The following SNX20 variants were observed in gnomAD, a reference collection of about 807,000 sequenced individuals.
SNX20 encodes sorting nexin-20.
Under a neutral mutation model 24.5 loss-of-function variants are expected in SNX20, and 21 were observed. The observed-to-expected ratio is 0.86, with a 90% confidence interval of 0.61 to 1.23. The LOEUF (loss-of-function observed/expected upper bound fraction) is 1.23, where lower values mean the gene tolerates loss of function less well. Among genes scored for constraint, SNX20 ranks in the 50% most tolerant of loss-of-function variants. The pLI is 0.00. For missense variants in SNX20, 433 were observed against 430.8 expected (o/e 1.00, Z -0.04); for synonymous variants, 206 against 192.8 (o/e 1.07, Z -0.57).
At position 50,673,448 on chromosome 16, in the gene SNX20, G is replaced by T; in HGVS notation, c.909C>A (p.Gly303=). Residue 303 remains glycine (G), a synonymous_variant, in exon 4 of 4, where the codon GGC becomes GGA. Transcript: ENST00000330943. This position sits in a 1 kb window ranked among gnomAD's most constrained non-coding sequence, Gnocchi z 4.1. ...ESQLRRPTPR[G]ITLKELTVRE... ...GCACAGTGAGCTCCTTCAGGGTGATGCCTCGGGGCGTGGGCCTCCGGAGCT... is the reference window on the plus strand; with the variant it reads ...GCACAGTGAGCTCCTTCAGGGTGATTCCTCGGGGCGTGGGCCTCCGGAGCT... 1.3e-6 allele frequency: 2 copies of T among 1,593,582 alleles called. No homozygotes were observed. The highest frequency in any genetic ancestry group is 1.7e-6 in the Non-Finnish European group (2 of 1,170,940).
chr16:50,675,941 A>G lies in SNX20; in HGVS notation c.131-20T>C. The G allele has an allele frequency of 6.3e-7, 1 of 1,591,360 alleles. No homozygotes were observed. Among genetic ancestry groups the G allele is most frequent in the Non-Finnish European group, 8.5e-7 (1 of 1,172,368 alleles). ...GTGTGTCTGGAAGGACAACACCCTT[A>G]AGGATCTGCACCCTGTCAGTGCACT... On this transcript the variant is annotated intron_variant, in intron 2 of 3. Transcript: ENST00000330943.
chr16:50,673,850 GTA>G lies in SNX20; in HGVS notation c.505_506del (p.Tyr169ArgfsTer194). 5 of 1,603,612 alleles carry G rather than the reference GTA, an allele frequency of 3.1e-6. No homozygotes were observed. The highest frequency in any genetic ancestry group is 4.2e-6 in the Non-Finnish European group (5 of 1,179,044). ...GGGAGCGGCGCACGCAGCGGATGGC[GTA>G]GAGCAGGCCCAGGTACTCCTGCAGG... ...RALQEYLGLL[Y>X]AIRCVRRSRE... On this transcript the variant is annotated frameshift_variant, in exon 4 of 4. Transcript: ENST00000330943. LOFTEE classifies it high-confidence loss of function. The surrounding 1 kb of genome is among the most constrained non-coding windows in gnomAD (Gnocchi z 4.1).
rs557716307 is a variant in SNX20 at position 50,673,275 on chromosome 16, T to C, written c.*131A>G. Reference sequence around the variant, plus strand: ...ATAATTGAGCCACTGCACTTCAGTCTGGGTGACAGAGCAAGACTGTCTCAA... The same window carrying C: ...ATAATTGAGCCACTGCACTTCAGTCCGGGTGACAGAGCAAGACTGTCTCAA... On this transcript the variant is annotated 3_prime_UTR_variant, in exon 4 of 4. Transcript: ENST00000330943. This position sits in a 1 kb window ranked among gnomAD's most constrained non-coding sequence, Gnocchi z 4.1. 1 of 1,314,460 alleles carries C rather than the reference T, an allele frequency of 7.6e-7. No individual in the cohort carries two copies. Among genetic ancestry groups the C allele is most frequent in the Non-Finnish European group, 9.7e-7 (1 of 1,032,634 alleles). 81.4% of individuals were successfully genotyped at this position (1,314,460 alleles called of 1,614,324 possible).
downstream of SNX20, chr16:50,669,458 C>T (rs1039599544): frequency 8.6e-5 from 22 of 256,426 alleles, no homozygotes; most frequent in Middle Eastern, 1.3e-3. Flanking sequence ...TTCATTACCA[C>T]GGGGAGGGCA....
In SNX20 at chr16:50,677,395, A is replaced by G; in HGVS notation, c.130+2T>C. On this transcript the variant is annotated splice_donor_variant, in intron 2 of 3. Coordinates refer to ENST00000330943, the MANE Select transcript of SNX20 (RefSeq NM_182854.4). LOFTEE classifies it high-confidence loss of function. ...AGACCGAGTCTCAAGCCTCAAGCCC[A>G]CCTAAGTGCCCGTCAGGTCCTGGGT... 1.3e-6 allele frequency: 2 copies of G among 1,584,350 alleles called. No homozygotes were observed. Among genetic ancestry groups the G allele is most frequent in the Non-Finnish European group, 1.7e-6 (2 of 1,164,472 alleles).
rs1304240798 is a variant in SNX20 at position 50,674,025 on chromosome 16, G to T, written c.332C>A (p.Ala111Asp). The T allele has an allele frequency of 4.3e-6, 7 of 1,609,892 alleles. No homozygotes were observed. Among genetic ancestry groups the T allele is most frequent in the Non-Finnish European group, 5.9e-6 (7 of 1,178,100 alleles). Reference sequence around the variant, plus strand: ...GTCGGAATAGCGCCGTTCCAGGACGGCCTTGTTGTTGTCAAAGCTCCCAGT... The same window carrying T: ...GTCGGAATAGCGCCGTTCCAGGACGTCCTTGTTGTTGTCAAAGCTCCCAGT... ...IQTGSFDNNK[A>D]VLERRYSDFA... Residue 111 changes from alanine (A) to aspartate (D), a missense_variant, in exon 4 of 4, where the codon GCC (alanine) becomes GAC (aspartate). Transcript: ENST00000330943.
chr16:50,677,634 G>A, intron 1 of SNX20, 99 bp from the exon 2 acceptor site: 5 of 1,273,764 alleles, frequency 3.9e-6, no homozygotes, highest in Non-Finnish European at 5.1e-6. Context: ...CTCCTGGCAG[G>A]CAGAGGGAAT....
In SNX20 at chr16:50,679,159, C is replaced by T. The variant is rs568308034; in HGVS notation, c.-9-1624G>A. 5.3e-5 allele frequency among the ~76,000 whole-genome samples: 8 copies of T among 152,318 alleles called. No homozygotes were observed. In the East Asian group the frequency reaches 1.5e-3, roughly 29 times the overall value. On this transcript the variant is annotated intron_variant, in intron 1 of 3. Coordinates refer to ENST00000330943, the MANE Select transcript of SNX20 (RefSeq NM_182854.4). ...GTGGAACATAGAGGTAGAGCTGGGA[C>T]TTGAACTCTGATCTGTTGGATTCTG... is the stretch of plus-strand genomic sequence containing the variant.
intron 1 of SNX20, 107 bp downstream of exon 1, chr16:50,681,083 C>G (rs1464290488): frequency 2.6e-5 from 4 of 152,576 alleles, no homozygotes; most frequent in Non-Finnish European, 5.9e-5. Context: ...GTCACTAACT[C>G]TTCCCCCTCC....
chr16:50,666,592 G>A (rs970868077), exon 4 of SNX20: 1 of 152,214 alleles, frequency 6.6e-6, no homozygotes, highest in Non-Finnish European at 1.5e-5. Context: ...ATAGGGAAAT[G>A]CTCATAATAT....
chr16:50,675,704 G>C, intron 3 of SNX20, 66 bp downstream of exon 3: 2 of 1,589,766 alleles, frequency 1.3e-6, no homozygotes, highest in Non-Finnish European at 1.7e-6. Context: ...GGCTCTACAA[G>C]ACTTATTCAG....
chr16:50,668,455 T>TGAAGTG, downstream of SNX20: 1 of 807,556 alleles, frequency 1.2e-6, no homozygotes, highest in Non-Finnish European at 1.5e-6. Flanking sequence ...ATTGTGTTTA[T>TGAAGTG]TTTTGTAGCT....
chr16:50,671,090 A>ACCT (rs1963039907), downstream of SNX20: 1 of 72,042 alleles, frequency 1.4e-5, no homozygotes, highest in African/African-American at 5.2e-5. Context: ...CCCCCCCAAC[A>ACCT]CCCCACACAT....
chr16:50,676,668 C>T (rs115084872), intron 2 of SNX20, among the ~76,000 whole-genome samples: 239 of 152,354 alleles, frequency 1.6e-3, no homozygotes, highest in African/African-American at 5.5e-3. Flanking sequence ...AAGAGCTTCC[C>T]ACCTTGTTCC....
chr16:50,668,074 A>G, downstream of SNX20: 1 of 1,551,678 alleles, frequency 6.4e-7, no homozygotes, highest in Non-Finnish European at 8.7e-7. Flanking sequence ...GGGCAATCAA[A>G]GCTGAAACCA....
At chr16:50,680,444 C>T (rs918213539) in intron 1 of SNX20, among the ~76,000 whole-genome samples, 2 of 152,130 alleles carry the variant, frequency 1.3e-5, no homozygotes, top group Non-Finnish European at 2.9e-5. Flanking sequence ...CGTGTGTGCA[C>T]AGACAGTCAT....
rs1260839979 is a variant in SNX20, at chr16:50,673,545, T to G, written c.812A>C (p.Asp271Ala). ...EGHRYYAPLLDAMVRLAYALG... is the reference protein window; with the variant it reads ...EGHRYYAPLLAAMVRLAYALG... ...CGCGTAGGCCAGGCGGACCATGGCG[T>G]CCAGCAGAGGCGCATAGTAGCGATG... The change falls in exon 4 of 4, where the codon GAC becomes GCC. Residue 271 changes from aspartate (D) to alanine (A), a missense_variant. Physicochemically the swap from Asp to Ala is moderately radical, Grantham distance 126. Transcript: ENST00000330943. This position sits in a 1 kb window ranked among gnomAD's most constrained non-coding sequence, Gnocchi z 4.1. 1 of 1,608,746 alleles carries G rather than the reference T, an allele frequency of 6.2e-7. No individual in the cohort carries two copies. The highest frequency in any genetic ancestry group is 8.5e-7 in the Non-Finnish European group (1 of 1,179,090).
At chr16:50,680,422 C>G (rs2270369) in intron 1 of SNX20, among the ~76,000 whole-genome samples, 92,397 of 151,580 alleles carry the variant, frequency 0.61, 29,957 homozygotes, top group Non-Finnish European at 0.73. Context: ...CCAGCCTCCT[C>G]TGCCTTCCAG....
downstream of SNX20, chr16:50,671,411 T>C (rs1963047866): frequency 6.6e-6 from 1 of 152,172 alleles, no homozygotes; most frequent in East Asian, 1.9e-4. Flanking sequence ...CAAGTTTAGT[T>C]TGTGCAAATT....
Sources: gnomAD v4.1 joint callset for allele counts (sites outside exome capture counted in the v4.1 genomes callset) on GRCh38, gnomAD v4.1.1 for gene constraint, Gnocchi (gnomAD v3.1) non-coding constraint, MANE v1.5 for transcripts, NCBI Gene and HGNC (gene_info 2026-07-23, HGNC 2026-07-21) for gene names.